The following PHLDB3 variants were observed in gnomAD, a reference collection of about 807,000 sequenced individuals.
PHLDB3 encodes the protein pleckstrin homology-like domain family B member 3.
PHLDB3 carries 86 observed loss-of-function variants against 85.7 expected under a neutral mutation model. That is an observed-to-expected ratio of 1.00 (90% CI 0.84 to 1.20). The LOEUF (loss-of-function observed/expected upper bound fraction) is 1.20. PHLDB3 is among the 50% of genes most tolerant of loss of function. PHLDB3 has a pLI of 0.00. For missense variants in PHLDB3, 995 were observed against 873.0 expected, an observed-to-expected ratio of 1.14 and a Z score of -1.76; for synonymous variants, 376 against 349.8, an observed-to-expected ratio of 1.07 and a Z score of -0.83.
chr19:43,497,550 A>G (rs1287853826), intron 5 of PHLDB3, among the ~76,000 whole-genome samples, 198 bp downstream of exon 5: 2 of 152,118 alleles, frequency 1.3e-5, no homozygotes, highest in Non-Finnish European at 2.9e-5. Flanking sequence ...CGTCTCTACT[A>G]AAATGCCAAA....
chr19:43,500,909 A>ACCCCCCCC (rs1248570317), intron 4 of PHLDB3, among the ~76,000 whole-genome samples: 6 of 17,152 alleles, frequency 3.5e-4, no homozygotes, highest in African/African-American at 8.9e-4. Context: ...CGCCCCCCGT[A>ACCCCCCCC]CCCCCCCCCC....
chr19:43,478,164 A>G (rs767606511), intron 14 of PHLDB3, 32 bp from the exon 15 acceptor site: 1 of 1,551,450 alleles, frequency 6.4e-7, no homozygotes, highest in Admixed American at 1.7e-5. Flanking sequence ...AAAGAGAGCC[A>G]GTGAGAAAGG....
intron 6 of PHLDB3, 46 bp downstream of exon 6, chr19:43,497,072 C>G: frequency 7.2e-7 from 1 of 1,394,726 alleles, no homozygotes; most frequent in Non-Finnish European, 9.3e-7. Flanking sequence ...GCAGGGGAGA[C>G]AGAGAGGAGC....
At chr19:43,487,240 G>A (rs1327928705) in intron 9 of PHLDB3, 117 bp from the exon 10 acceptor site, 1 of 815,420 alleles carries the variant, frequency 1.2e-6, no homozygotes, top group East Asian at 2.7e-5. Flanking sequence ...TACTGTCCAT[G>A]TGCTGAGTGA....
intron 15 of PHLDB3, among the ~76,000 whole-genome samples, chr19:43,477,670 C>G (rs1457015613): frequency 6.7e-6 from 1 of 148,644 alleles, no homozygotes; most frequent in East Asian, 2.0e-4. Flanking sequence ...CAAAAATTAG[C>G]CGGGCACGGT....
intron 9 of PHLDB3, among the ~76,000 whole-genome samples, chr19:43,494,333 G>GC (rs1159425554): frequency 1.9e-4 from 29 of 149,304 alleles, no homozygotes; most frequent in African/African-American, 4.4e-4. Flanking sequence ...TAAATGAGCT[G>GC]CCCCCCCACC....
At chr19:43,493,660 T>C (rs899862721) in intron 9 of PHLDB3, among the ~76,000 whole-genome samples, 20 of 151,720 alleles carry the variant, frequency 1.3e-4, no homozygotes, top group African/African-American at 4.4e-4. Context: ...GGACTTGAAA[T>C]GTTCTCAACA....
chr19:43,479,470 C>T lies in PHLDB3; in HGVS notation c.1609G>A (p.Gly537Arg). 6.4e-7 allele frequency: 1 copy of T among 1,563,562 alleles called. No homozygotes were observed. Among genetic ancestry groups the T allele is most frequent in the Non-Finnish European group, 8.7e-7 (1 of 1,154,424 alleles). ...CGGCCGCCCATCTTCACCAGGGGTC[C>T]ACGGCAGCAGCACCCAGACACCTGC... is the stretch of plus-strand genomic sequence containing the variant. ...HVQVSGCCCR[G>R]PLVKMGGRIK... The change falls in exon 14 of 16, where the codon GGA becomes AGA. Residue 537 changes from glycine to arginine, a missense_variant. Coordinates refer to ENST00000292140, the MANE Select transcript of PHLDB3 (RefSeq NM_198850.4).
intron 15 of PHLDB3, among the ~76,000 whole-genome samples, chr19:43,476,117 AT>A (rs1177879401): frequency 6.6e-6 from 1 of 152,158 alleles, no homozygotes; most frequent in African/African-American, 2.4e-5. Flanking sequence ...AGTAGGACTT[AT>A]GACGCCTTCT....
Position 43,502,244 on chromosome 19 carries a change from G to A in PHLDB3, c.253C>T (p.Pro85Ser), listed in dbSNP as rs755627272. 1.3e-6 allele frequency: 2 copies of A among 1,564,342 alleles called. No individual in the cohort carries two copies. The highest frequency in any genetic ancestry group is 8.6e-7 in the Non-Finnish European group (1 of 1,156,764). ...TPPIAMAATP[P>S]ASTSSREGVR... ...CCTTCCCGCGAAGAGGTGGATGCGG[G>A]AGGTGTGGCCGCCATAGCTATCGGA... Residue 85 changes from proline to serine, a missense_variant, in exon 3 of 16, where the codon CCC becomes TCC. Transcript: ENST00000292140.
chr19:43,487,215 C>A (rs971728224), intron 9 of PHLDB3, 92 bp from the exon 10 acceptor site: 6 of 1,051,612 alleles, frequency 5.7e-6, no homozygotes, highest in African/African-American at 3.2e-5. Context: ...ACCCAGTCAG[C>A]ACAAATCAAA....
Position 43,486,265 on chromosome 19 carries a change from C to A in PHLDB3, c.1485+1G>T, listed in dbSNP as rs1971153162. On this transcript the variant is annotated splice_donor_variant, in intron 13 of 15. Coordinates refer to ENST00000292140, the MANE Select transcript of PHLDB3 (RefSeq NM_198850.4). LOFTEE classifies it high-confidence loss of function. Reference sequence around the variant, plus strand: ...GGCGTGAGGGCGGGGGTGGGACTGACCGTGATGGCAGGAACAGCAGGGCCT... The same window carrying A: ...GGCGTGAGGGCGGGGGTGGGACTGAACGTGATGGCAGGAACAGCAGGGCCT... The A allele has an allele frequency of 1.2e-6, 2 of 1,610,262 alleles. No homozygotes were observed. Among genetic ancestry groups the A allele is most frequent in the African/African-American group, 2.7e-5 (2 of 75,002 alleles).
intron 3 of PHLDB3, 51 bp downstream of exon 3, chr19:43,502,050 C>A: frequency 6.5e-7 from 1 of 1,533,438 alleles, no homozygotes; most frequent in Non-Finnish European, 8.8e-7. Flanking sequence ...TCCGGCTTTG[C>A]GGGTTCCGCT....
chr19:43,478,519 G>A (rs1298901864), intron 14 of PHLDB3, among the ~76,000 whole-genome samples: 2 of 152,150 alleles, frequency 1.3e-5, no homozygotes, highest in Admixed American at 1.3e-4. Flanking sequence ...GAGAAGTTAA[G>A]GCACCCAGCA....
rs1308189507 is a variant in PHLDB3 at position 43,487,140 on chromosome 19, C to G, written c.1150-17G>C. On this transcript the variant is annotated splice_polypyrimidine_tract_variant and intron_variant, in intron 9 of 15. Coordinates refer to ENST00000292140, the MANE Select transcript of PHLDB3 (RefSeq NM_198850.4). ...AATGGAGCCCTGAAAACACAAAAGGCTCATGAGCATAGGAAAAAGGCTTGA... is the reference window on the plus strand; with the variant it reads ...AATGGAGCCCTGAAAACACAAAAGGGTCATGAGCATAGGAAAAAGGCTTGA... 6.4e-7 allele frequency: 1 copy of G among 1,551,224 alleles called. No individual in the cohort carries two copies. The highest frequency in any genetic ancestry group is 1.2e-5 in the South Asian group (1 of 84,108).
At chr19:43,477,739 C>T (rs1385310568) in intron 15 of PHLDB3, among the ~76,000 whole-genome samples, 2 of 150,196 alleles carry the variant, frequency 1.3e-5, no homozygotes, top group African/African-American at 5.0e-5. Flanking sequence ...ACCAGGGAGG[C>T]GGAGGTTGCA....
chr19:43,490,513 A>C (rs993458839), intron 9 of PHLDB3, among the ~76,000 whole-genome samples: 1 of 152,116 alleles, frequency 6.6e-6, no homozygotes, highest in Non-Finnish European at 1.5e-5. Context: ...AGATCGCACC[A>C]TTACACTCCA....
chr19:43,485,368 T>C (rs1334308564), intron 13 of PHLDB3, among the ~76,000 whole-genome samples: 1 of 151,644 alleles, frequency 6.6e-6, no homozygotes, highest in Non-Finnish European at 1.5e-5. Flanking sequence ...CCCGCCACCA[T>C]GCCCGGCTAA....
At chr19:43,497,933 C>A in intron 4 of PHLDB3, 57 bp from the exon 5 acceptor site, 1 of 1,548,716 alleles carries the variant, frequency 6.5e-7, no homozygotes, top group South Asian at 1.2e-5. Flanking sequence ...GAAGCAGCAG[C>A]CAGCCATATC....
Sources: gnomAD v4.1 joint callset for allele counts (sites outside exome capture counted in the v4.1 genomes callset) on GRCh38, gnomAD v4.1.1 for gene constraint, MANE v1.5 for transcripts, NCBI Gene and HGNC (gene_info 2026-07-23, HGNC 2026-07-21) for gene names.